Variants in ADAMTS3 observed in about 807,000 individuals in gnomAD.
ADAMTS3 encodes A disintegrin and metalloproteinase with thrombospondin motifs 3.
ADAMTS3 carries 73 observed loss-of-function variants against 129.0 expected under a neutral mutation model. The ratio of observed to expected loss-of-function variants is 0.57; its 90% CI spans 0.47 to 0.69. ADAMTS3 has a LOEUF of 0.69. ADAMTS3 is among the 30% of genes least tolerant of loss of function. The pLI, the probability that ADAMTS3 is intolerant of heterozygous loss-of-function variation, is 0.00. For missense variants in ADAMTS3, 1,457 were observed against 1,514.5 expected (o/e 0.96, Z 0.63); for synonymous variants, 477 against 510.8 (o/e 0.93, Z 0.89).
chr4:72,504,563 T>C lies in ADAMTS3; in HGVS notation c.504+43915A>G, dbSNP rs556346664. The stretch of plus-strand genomic sequence containing the variant: ...ATGCCTTAGGGATGTTAGTTTTGTA[T>C]AGTATTTCATAGGTGTTCTCTGGAT... On this transcript the variant is annotated intron_variant, in intron 3 of 21. Transcript: ENST00000286657. Among the ~76,000 whole-genome samples the C allele has an allele frequency of 9.9e-5, 15 of 152,232 alleles. No individual in the cohort carries two copies. The East Asian group carries it at 2.3e-3, about 24-fold the overall frequency.
intron 3 of ADAMTS3, among the ~76,000 whole-genome samples, chr4:72,530,058 TATGTTATATATAAC>T (rs1419519478): frequency 0.061 from 73 of 1,206 alleles, 17 homozygotes; most frequent in East Asian, 0.2. Flanking sequence ...TTATATATAA[TATGTTATATATAAC>T]ATATTATATT....
At chr4:72,349,807 G>C (rs1198459744) in intron 4 of ADAMTS3, among the ~76,000 whole-genome samples, 1 of 151,844 alleles carries the variant, frequency 6.6e-6, no homozygotes, top group Non-Finnish European at 1.5e-5. Context: ...TTCCAAACAT[G>C]GAATTAAAAT....
At chr4:72,382,332 T>C (rs998651300) in intron 4 of ADAMTS3, among the ~76,000 whole-genome samples, 2 of 152,026 alleles carry the variant, frequency 1.3e-5, no homozygotes, top group Admixed American at 1.3e-4. Context: ...TATAATTATG[T>C]CATATAATTA....
chr4:72,331,142 A>G (rs1048221895), intron 5 of ADAMTS3, among the ~76,000 whole-genome samples: 1 of 152,208 alleles, frequency 6.6e-6, no homozygotes, highest in Non-Finnish European at 1.5e-5. Context: ...AGTCAGCAAT[A>G]CTGTGTGGAT....
At chr4:72,433,511 G>A (rs1722746244) in intron 3 of ADAMTS3, among the ~76,000 whole-genome samples, 1 of 151,898 alleles carries the variant, frequency 6.6e-6, no homozygotes, top group Non-Finnish European at 1.5e-5. Flanking sequence ...AGCTACATTT[G>A]TTGATCTAAT....
intron 4 of ADAMTS3, among the ~76,000 whole-genome samples, chr4:72,349,019 G>A (rs1720360363): frequency 6.6e-6 from 1 of 151,920 alleles, no homozygotes; most frequent in Non-Finnish European, 1.5e-5. Context: ...TAGACTGTGA[G>A]CTAATAAATA....
intron 4 of ADAMTS3, among the ~76,000 whole-genome samples, chr4:72,379,086 C>T (rs1273963260): frequency 1.3e-5 from 2 of 152,124 alleles, no homozygotes; most frequent in African/African-American, 4.8e-5. Flanking sequence ...TACCACTTCA[C>T]TGTCTTTTAG....
intron 4 of ADAMTS3, among the ~76,000 whole-genome samples, chr4:72,346,151 C>T (rs928510367): frequency 1.2e-4 from 19 of 152,202 alleles, no homozygotes; most frequent in Non-Finnish European, 2.4e-4. Flanking sequence ...AAAGCCATGT[C>T]CAACAGATTG....
intron 20 of ADAMTS3, among the ~76,000 whole-genome samples, chr4:72,290,089 A>T (rs1718616490): frequency 6.6e-6 from 1 of 152,144 alleles, no homozygotes; most frequent in Non-Finnish European, 1.5e-5. Flanking sequence ...AATATCTAAG[A>T]CAGGTGGTAA....
Position 72,332,077 on chromosome 4 carries a change from T to C in ADAMTS3, c.861+7417A>G, listed in dbSNP as rs572161711. 4.1e-4 allele frequency among the ~76,000 whole-genome samples: 62 copies of C among 152,318 alleles called. 1 individual carries two copies. In the South Asian group the frequency reaches 0.013, roughly 32 times the overall value. On this transcript the variant is annotated intron_variant, in intron 5 of 21. Coordinates refer to ENST00000286657, the MANE Select transcript of ADAMTS3 (RefSeq NM_014243.3). ...AGGTTATGTATGCTAGGTGAATAAA[T>C]GCCTAGAGGATTGATGTGAATTCAA...
intron 1 of ADAMTS3, among the ~76,000 whole-genome samples, chr4:72,568,442 A>C (rs1216456360): frequency 6.6e-6 from 1 of 152,144 alleles, no homozygotes; most frequent in Non-Finnish European, 1.5e-5. Flanking sequence ...CGAATGTCGC[A>C]GACTGGTGAA....
At chr4:72,333,813 T>C (rs949406978) in intron 5 of ADAMTS3, among the ~76,000 whole-genome samples, 2 of 151,436 alleles carry the variant, frequency 1.3e-5, no homozygotes, top group African/African-American at 2.4e-5. Context: ...TTTTCTTTTT[T>C]GTTGTTTTGT....
chr4:72,461,096 A>T (rs1004813749), intron 3 of ADAMTS3, among the ~76,000 whole-genome samples: 2 of 151,760 alleles, frequency 1.3e-5, no homozygotes, highest in Admixed American at 6.6e-5. Flanking sequence ...AACTACTAAC[A>T]TAACAGCTTT....
At chr4:72,328,071 T>A (rs970602951) in intron 5 of ADAMTS3, among the ~76,000 whole-genome samples, 1 of 152,178 alleles carries the variant, frequency 6.6e-6, no homozygotes, top group African/African-American at 2.4e-5. Context: ...CACTGCATAA[T>A]GCAAACCAAA....
chr4:72,531,318 T>C (rs1560554888), intron 3 of ADAMTS3, among the ~76,000 whole-genome samples: 2 of 152,106 alleles, frequency 1.3e-5, no homozygotes, highest in South Asian at 2.1e-4. Context: ...GAGGAAAGCA[T>C]TCAGGTGTGT....
chr4:72,335,960 A>G (rs539998502), intron 5 of ADAMTS3, among the ~76,000 whole-genome samples: 68 of 152,306 alleles, frequency 4.5e-4, no homozygotes, highest in African/African-American at 1.6e-3. Context: ...TCAATAAAGG[A>G]AAGCATGACA....
intron 4 of ADAMTS3, among the ~76,000 whole-genome samples, chr4:72,391,276 T>C (rs765336918): frequency 1.3e-5 from 2 of 152,220 alleles, no homozygotes; most frequent in Non-Finnish European, 1.5e-5. Context: ...ACATATTTAC[T>C]TTGTGTATAT....
In ADAMTS3 at chr4:72,282,154, T is replaced by C. The variant is rs1243377366; in HGVS notation, c.*982A>G. 1 of 152,222 alleles carries C rather than the reference T, an allele frequency of 6.6e-6. No homozygotes were observed. Among genetic ancestry groups the C allele is most frequent in the African/African-American group, 2.4e-5 (1 of 41,446 alleles). The allele number at this position is 152,222 out of a possible 1,614,324, so 9.4% of individuals were successfully genotyped here. A position where few individuals can be genotyped will look rare whatever the true frequency, so the allele number is the denominator to read the frequency against. ...TATCCCAAAACTTTTTCCTTTGCGA[T>C]TATTACAGTACATTGAGTATAACTG... On this transcript the variant is annotated 3_prime_UTR_variant, in exon 22 of 22. Transcript: ENST00000286657.
At chr4:72,438,882 T>C (rs541216814) in intron 3 of ADAMTS3, among the ~76,000 whole-genome samples, 32 of 151,804 alleles carry the variant, frequency 2.1e-4, no homozygotes, top group African/African-American at 7.7e-4. Flanking sequence ...AAAGATCAAC[T>C]TGCTTAAGAC....
Sources: gnomAD v4.1 joint callset for allele counts (sites outside exome capture counted in the v4.1 genomes callset) on GRCh38, gnomAD v4.1.1 for gene constraint, MANE v1.5 for transcripts, NCBI Gene and HGNC (gene_info 2026-07-23, HGNC 2026-07-21) for gene names.